The following SPOPL variants were observed in gnomAD, a reference collection of about 807,000 sequenced individuals.
SPOPL encodes speckle-type POZ protein-like.
Under a neutral mutation model 53.8 loss-of-function variants are expected in SPOPL, and 23 were observed. The ratio of observed to expected loss-of-function variants is 0.43; its 90% CI spans 0.31 to 0.61. The LOEUF is 0.61. Ranked by LOEUF, SPOPL falls within the 20% of genes least tolerant of loss-of-function variation. The pLI, the probability that SPOPL is intolerant of heterozygous loss-of-function variation, is 0.12. For missense variants in SPOPL, 442 were observed against 466.9 expected, an observed-to-expected ratio of 0.95 and a Z score of 0.49; for synonymous variants, 164 against 149.7, an observed-to-expected ratio of 1.10 and a Z score of -0.70.
At chr2:138,532,187 G>A (rs1684823442) in intron 1 of SPOPL, among the ~76,000 whole-genome samples, 1 of 152,058 alleles carries the variant, frequency 6.6e-6, no homozygotes, top group African/African-American at 2.4e-5. Flanking sequence ...TCAGCATTTG[G>A]CAGAAGTCTT....
At chr2:138,564,505 G>A (rs1232898186) in intron 8 of SPOPL, 1 of 544,734 alleles carries the variant, frequency 1.8e-6, no homozygotes, top group Non-Finnish European at 3.0e-6. Flanking sequence ...GCAAATTGCA[G>A]TTTCCTAAAG....
chr2:138,535,706 T>A (rs185275875), intron 1 of SPOPL, among the ~76,000 whole-genome samples: 205 of 152,034 alleles, frequency 1.3e-3, no homozygotes, highest in Non-Finnish European at 5.9e-5. Context: ...TTTCAGCCAT[T>A]TTTTTTAGTT....
At chr2:138,552,164 A>G (rs1479178058) in intron 4 of SPOPL, among the ~76,000 whole-genome samples, 1 of 152,046 alleles carries the variant, frequency 6.6e-6, no homozygotes, top group Admixed American at 6.6e-5. Flanking sequence ...AATAAGATGT[A>G]TGTTTCTTAC....
chr2:138,550,358 G>A (rs1685287244), intron 2 of SPOPL, 64 bp downstream of exon 2: 2 of 1,600,730 alleles, frequency 1.2e-6, no homozygotes, highest in South Asian at 2.2e-5. Flanking sequence ...GTTGAGAATA[G>A]TATTGTGAAA....
At chr2:138,560,718 T>G in intron 7 of SPOPL, 87 bp from the exon 8 acceptor site, 1 of 1,413,098 alleles carries the variant, frequency 7.1e-7, no homozygotes, top group Non-Finnish European at 9.5e-7. Context: ...GATTTAGGGC[T>G]TTTAAATTAC....
At chr2:138,547,081 T>A (rs946098852) in intron 1 of SPOPL, among the ~76,000 whole-genome samples, 1 of 152,168 alleles carries the variant, frequency 6.6e-6, no homozygotes, top group African/African-American at 2.4e-5. Context: ...TTCTCCTGCC[T>A]CAGCCTCCGG....
At chr2:138,546,725 A>G (rs1009351235) in intron 1 of SPOPL, among the ~76,000 whole-genome samples, 1 of 151,994 alleles carries the variant, frequency 6.6e-6, no homozygotes, top group African/African-American at 2.4e-5. Context: ...CTATTTTCTA[A>G]TTACTTTAAA....
intron 10 of SPOPL, 21 bp from the exon 11 acceptor site, chr2:138,568,915 T>G (rs368666038): frequency 6.2e-7 from 1 of 1,612,136 alleles, no homozygotes; most frequent in African/African-American, 1.3e-5. Context: ...TTAGTAAATA[T>G]CTTTTAATTC....
At chr2:138,505,594 TAAAAAAAAAAAA>T (rs1169614974) in intron 1 of SPOPL, among the ~76,000 whole-genome samples, 6 of 75,086 alleles carry the variant, frequency 8.0e-5, no homozygotes, top group Middle Eastern at 8.2e-3. Flanking sequence ...GTGTCTCTTC[TAAAAAAAAAAAA>T]AAAAAAAAAA....
chr2:138,547,937 T>A (rs1685233652), intron 1 of SPOPL, among the ~76,000 whole-genome samples: 1 of 152,196 alleles, frequency 6.6e-6, no homozygotes, highest in Non-Finnish European at 1.5e-5. Context: ...TAATACACTC[T>A]TAATGGTTGC....
At chr2:138,566,574 G>T (rs908086591) in intron 10 of SPOPL, among the ~76,000 whole-genome samples, 2 of 152,076 alleles carry the variant, frequency 1.3e-5, no homozygotes, top group Non-Finnish European at 2.9e-5. Flanking sequence ...GCAGATTTTG[G>T]CATTACTTTT....
intron 8 of SPOPL, among the ~76,000 whole-genome samples, chr2:138,563,688 C>T (rs372208783): frequency 2.0e-5 from 3 of 152,236 alleles, no homozygotes; most frequent in African/African-American, 7.2e-5. Context: ...TAAAATGGTA[C>T]AACCACTTTG....
At position 138,559,268 on chromosome 2, in the gene SPOPL, T is replaced by C. The variant is rs775887895; in HGVS notation, c.659-14T>C. On this transcript the variant is annotated splice_polypyrimidine_tract_variant and intron_variant, in intron 6 of 10. Coordinates refer to ENST00000280098, the MANE Select transcript of SPOPL (RefSeq NM_001001664.3). ...CATTTATGCATAAAATAATGATACA[T>C]AATCTTGTTACAGCTCGATCTCCAG... 6.2e-7 allele frequency: 1 copy of C among 1,612,410 alleles called. No homozygotes were observed. Among genetic ancestry groups the C allele is most frequent in the Non-Finnish European group, 8.5e-7 (1 of 1,179,404 alleles).
intron 1 of SPOPL, among the ~76,000 whole-genome samples, chr2:138,502,425 C>G (rs910564314): frequency 2.2e-4 from 34 of 152,350 alleles, no homozygotes; most frequent in African/African-American, 7.9e-4. Flanking sequence ...CTCGCCCCTT[C>G]TTTTCCTCTG....
At chr2:138,520,999 A>G (rs764468455) in intron 1 of SPOPL, among the ~76,000 whole-genome samples, 4 of 152,232 alleles carry the variant, frequency 2.6e-5, no homozygotes, top group Non-Finnish European at 4.4e-5. Flanking sequence ...TGGACTTGTC[A>G]CAACTAGCAT....
intron 1 of SPOPL, among the ~76,000 whole-genome samples, chr2:138,517,810 G>T (rs1455764662): frequency 1.3e-5 from 2 of 151,868 alleles, no homozygotes; most frequent in African/African-American, 4.8e-5. Flanking sequence ...AGTTTGGGAG[G>T]CCGAGGCGGG....
rs1685620079 is a variant in SPOPL, at chr2:138,564,650, T to C, written c.838-58T>C. On this transcript the variant is annotated intron_variant, in intron 8 of 10. Transcript: ENST00000280098. ...TATTTTCCAAGTTGCAAATGTATCA[T>C]GTATTCAGGAACTTAGTTGGAGTAA... 1.9e-6 allele frequency: 3 copies of C among 1,585,460 alleles called. No individual in the cohort carries two copies. In the South Asian group the frequency reaches 3.5e-5, roughly 18 times the overall value.
intron 1 of SPOPL, among the ~76,000 whole-genome samples, chr2:138,522,797 T>G (rs1375011647): frequency 6.6e-6 from 1 of 152,212 alleles, no homozygotes; most frequent in Non-Finnish European, 1.5e-5. Context: ...CACATTTTAG[T>G]CAACTTTAAG....
chr2:138,561,081 A>T (rs981814169), intron 8 of SPOPL, among the ~76,000 whole-genome samples, 154 bp downstream of exon 8: 2 of 152,162 alleles, frequency 1.3e-5, no homozygotes, highest in African/African-American at 4.8e-5. Flanking sequence ...CTGGAAATGA[A>T]ATTTTTTTTT....
Sources: allele counts gnomAD v4.1 joint callset (sites outside exome capture counted in the v4.1 genomes callset), GRCh38; gene constraint gnomAD v4.1.1; transcripts MANE v1.5; gene names NCBI Gene and HGNC (gene_info 2026-07-23, HGNC 2026-07-21).